Variants in CRELD1 observed in about 807,000 individuals in gnomAD.
CRELD1 encodes protein disulfide isomerase CRELD1.
Under a neutral mutation model 58.2 loss-of-function variants are expected in CRELD1, and 42 were observed. The ratio of observed to expected loss-of-function variants is 0.72; its 90% CI spans 0.56 to 0.93. The LOEUF (loss-of-function observed/expected upper bound fraction) is 0.93, where lower values mean the gene tolerates loss of function less well. CRELD1 is among the 40% of genes least tolerant of loss of function. CRELD1 has a pLI of 0.00. For missense variants in CRELD1, 500 were observed against 540.6 expected, an observed-to-expected ratio of 0.92 and a Z score of 0.74; for synonymous variants, 222 against 202.0, an observed-to-expected ratio of 1.10 and a Z score of -0.84.
chr3:9,942,658 G>T (rs1472661315), intron 7 of CRELD1, 155 bp from the exon 8 acceptor site: 2 of 693,472 alleles, frequency 2.9e-6, no homozygotes, highest in East Asian at 5.4e-5. Flanking sequence ...TGGCTGGGCA[G>T]CCTGAAGTCC....
chr3:9,937,938 T>A, intron 4 of CRELD1, 77 bp from the exon 5 acceptor site: 1 of 1,053,322 alleles, frequency 9.5e-7, no homozygotes, highest in Non-Finnish European at 1.5e-6. Flanking sequence ...GATTCAGGCA[T>A]GGGGGAATGG....
At chr3:9,938,430 C>T in intron 5 of CRELD1, 1 of 347,642 alleles carries the variant, frequency 2.9e-6, no homozygotes, top group Non-Finnish European at 5.5e-6. Flanking sequence ...TGACCTGGAG[C>T]CTCCATGATC....
At chr3:9,944,254 G>A (rs2085457766) in intron 10 of CRELD1, 111 bp from the exon 11 acceptor site, 2 of 990,406 alleles carry the variant, frequency 2.0e-6, no homozygotes, top group East Asian at 2.4e-5. Flanking sequence ...CTGGCTTGCT[G>A]GGCAGGCCTG....
intron 3 of CRELD1, among the ~76,000 whole-genome samples, chr3:9,937,289 A>C (rs1403540770): frequency 6.6e-6 from 1 of 152,194 alleles, no homozygotes; most frequent in Non-Finnish European, 1.5e-5. Flanking sequence ...GAACTGATGT[A>C]TGTTACAACA....
At chr3:9,943,843 C>G (rs894677482) in intron 10 of CRELD1, 1 of 1,613,742 alleles carries the variant, frequency 6.2e-7, no homozygotes, top group Non-Finnish European at 8.5e-7. Flanking sequence ...GCAGGGTAAT[C>G]ACAACGATGA....
intron 3 of CRELD1, 42 bp from the exon 4 acceptor site, chr3:9,937,520 G>A: frequency 7.6e-7 from 1 of 1,321,932 alleles, no homozygotes; most frequent in Non-Finnish European, 1.1e-6. Context: ...GTGGTGGGTG[G>A]GGTGGGGCAT....
intron 3 of CRELD1, chr3:9,935,702 T>C (rs1449906339): frequency 6.6e-6 from 1 of 152,094 alleles, no homozygotes; most frequent in African/African-American, 2.4e-5. Flanking sequence ...TAAAAGATGC[T>C]TACTAGATTT....
At position 9,943,946 on chromosome 3, in the gene CRELD1, C is replaced by A. The variant is rs745362252; in HGVS notation, c.1049-419C>A. The A allele has an allele frequency of 1.4e-6, 2 of 1,442,222 alleles. No homozygotes were observed. Among genetic ancestry groups the A allele is most frequent in the Admixed American group, 3.3e-5 (2 of 59,818 alleles). The allele number at this position is 1,442,222 out of a possible 1,614,324, so 89.3% of individuals were successfully genotyped here. A position where few individuals can be genotyped will look rare whatever the true frequency, so the allele number is the denominator to read the frequency against. ...TGATTTAACCCCTGAAACAACCCGA[C>A]GCTGGAAGTTGGGTTCTCATCCCCA... is the stretch of plus-strand genomic sequence containing the variant. On this transcript the variant is annotated intron_variant, in intron 10 of 10. Transcript: ENST00000452070.
chr3:9,943,633 C>T, intron 10 of CRELD1, 118 bp downstream of exon 10: 5 of 1,584,150 alleles, frequency 3.2e-6, no homozygotes, highest in Non-Finnish European at 4.3e-6. Context: ...ACCCAGCCCC[C>T]TGGAGGCTGC....
intron 3 of CRELD1, 87 bp downstream of exon 3, chr3:9,935,004 G>A (rs1353741281): frequency 8.8e-7 from 1 of 1,135,674 alleles, no homozygotes; most frequent in Non-Finnish European, 1.3e-6. Context: ...CTCTTGGGGA[G>A]CACTTATTCA....
chr3:9,935,445 C>T (rs540167519), intron 3 of CRELD1, among the ~76,000 whole-genome samples: 4 of 152,254 alleles, frequency 2.6e-5, no homozygotes, highest in Admixed American at 6.5e-5. Flanking sequence ...AAAAGTGATA[C>T]TGTCTTCTCT....
chr3:9,944,452 C>G lies in CRELD1; in HGVS notation c.1136C>G (p.Ala379Gly). The G allele has an allele frequency of 6.2e-7, 1 of 1,613,898 alleles. No individual in the cohort carries two copies. ...TTTGGCATCATCATCTGTGCACTGGCCACGCTGGCTGCTAAGGGCGACTTG... is the reference window on the plus strand; with the variant it reads ...TTTGGCATCATCATCTGTGCACTGGGCACGCTGGCTGCTAAGGGCGACTTG... Reference protein sequence around the residue: ...MFFGIIICALATLAAKGDLVF... With the variant: ...MFFGIIICALGTLAAKGDLVF... The change falls in exon 11 of 11, where the codon GCC (alanine) becomes GGC (glycine). Residue 379 changes from alanine (A) to glycine (G), a missense_variant. Physicochemically the swap from Ala to Gly is moderately conservative, Grantham distance 60. Transcript: ENST00000452070.
intron 5 of CRELD1, among the ~76,000 whole-genome samples, chr3:9,938,945 G>A (rs981895750): frequency 2.0e-5 from 3 of 151,928 alleles, no homozygotes; most frequent in Non-Finnish European, 4.4e-5. Flanking sequence ...GATCACTTGA[G>A]GCCAGGAGTT....
At chr3:9,935,494 G>A (rs577977583) in intron 3 of CRELD1, among the ~76,000 whole-genome samples, 2 of 152,242 alleles carry the variant, frequency 1.3e-5, no homozygotes, top group South Asian at 2.1e-4. Context: ...TGTAGCAAAC[G>A]GATTGTAAGG....
At position 9,941,773 on chromosome 3, in the gene CRELD1, G is replaced by A. The variant is rs2124853403; in HGVS notation, c.733+567G>A. On this transcript the variant is annotated intron_variant, in intron 7 of 10. Coordinates refer to ENST00000452070, the MANE Select transcript of CRELD1 (RefSeq NM_001077415.3). ...CCACTGCACTCCAGTCTGGGCAACA[G>A]AGGGAGACTCCATCTCAAAAAAAAA... Among the ~76,000 whole-genome samples, 4 of 120,940 alleles carry A rather than the reference G, an allele frequency of 3.3e-5. 1 individual carries two copies. The South Asian group carries it at 1.2e-3, about 36-fold the overall frequency. 79.3% of individuals were successfully genotyped at this position (120,940 alleles called of 152,430 possible).
intron 1 of CRELD1, 32 bp from the exon 2 acceptor site, chr3:9,934,388 C>A: frequency 6.6e-7 from 1 of 1,524,920 alleles, no homozygotes; most frequent in Non-Finnish European, 9.1e-7. Context: ...CTGACTCCTT[C>A]AGTGAAGCCT....
At position 9,944,355 on chromosome 3, in the gene CRELD1, TC is replaced by T; in HGVS notation, c.1049-8del. 6.2e-7 allele frequency: 1 copy of T among 1,611,356 alleles called. No individual in the cohort carries two copies. On this transcript the variant is annotated splice_polypyrimidine_tract_variant and intron_variant, in intron 10 of 10. Coordinates refer to ENST00000452070, the MANE Select transcript of CRELD1 (RefSeq NM_001077415.3). ...ACGAGTGCCAGGCTGCATCTCTTGC[TC>T]CTCTGCAGAGTCAGCAGGCTTCTTC...
intron 7 of CRELD1, among the ~76,000 whole-genome samples, chr3:9,941,813 A>AAAAT (rs2085377378): frequency 1.3e-5 from 2 of 151,336 alleles, no homozygotes; most frequent in African/African-American, 4.9e-5. Flanking sequence ...AAAAAAAAAA[A>AAAAT]AAATGAGGAA....
At chr3:9,942,944 A>G in intron 8 of CRELD1, 48 bp downstream of exon 8, 1 of 1,546,268 alleles carries the variant, frequency 6.5e-7, no homozygotes, top group South Asian at 1.1e-5. Context: ...GTGGAGGAAG[A>G]GCTGCTCCAC....
Sources: gnomAD v4.1 joint callset for allele counts (sites outside exome capture counted in the v4.1 genomes callset) on GRCh38, gnomAD v4.1.1 for gene constraint, MANE v1.5 for transcripts, NCBI Gene and HGNC (gene_info 2026-07-23, HGNC 2026-07-21) for gene names.